The following HSPBP1 variants were observed in gnomAD, a reference collection of about 807,000 sequenced individuals.
HSPBP1 encodes the protein hsp70-binding protein 1.
HSPBP1 carries 31 observed loss-of-function variants against 41.7 expected under a neutral mutation model. That is an observed-to-expected ratio of 0.74 (90% CI 0.56 to 1.00). The LOEUF (loss-of-function observed/expected upper bound fraction) is 1.00. HSPBP1 is among the 50% of genes least tolerant of loss of function. The probability of loss-of-function intolerance (pLI) is 0.00; values close to 1 mark genes in which losing one functional copy is unlikely to be tolerated. For synonymous variants in HSPBP1, 199 were observed against 214.4 expected (o/e 0.93, Z 0.63); for missense variants, 439 against 487.9 (o/e 0.90, Z 0.94).
chr19:55,274,475 G>T lies in HSPBP1; in HGVS notation c.563C>A (p.Ala188Asp), dbSNP rs1399159489. 1 of 1,589,814 alleles carries T rather than the reference G, an allele frequency of 6.3e-7. No individual in the cohort carries two copies. Among genetic ancestry groups the T allele is most frequent in the South Asian group, 1.1e-5 (1 of 88,172 alleles). ...CAGCAGCCGCAGCAGCTTACGCAGG[G>T]CACCCAGGCCCAGCACCTGCTCCTG... is the stretch of plus-strand genomic sequence containing the variant. ...AIQEQVLGLG[A>D]LRKLLRLLDR... The change falls in exon 4 of 8, where the codon GCC (alanine) becomes GAC (aspartate). Residue 188 changes from alanine (A) to aspartate (D), a missense_variant. Ala to Asp is a moderately radical substitution (Grantham distance 126). Coordinates refer to ENST00000433386, the MANE Select transcript of HSPBP1 (RefSeq NM_012267.5).
At chr19:55,263,400 T>A (rs1440504511) in intron 7 of HSPBP1, among the ~76,000 whole-genome samples, 1 of 152,222 alleles carries the variant, frequency 6.6e-6, no homozygotes, top group Non-Finnish European at 1.5e-5. Context: ...TGAACTTCTA[T>A]GGAGAGCAGC....
Position 55,262,259 on chromosome 19 carries a change from G to A in HSPBP1, c.*349C>T, listed in dbSNP as rs968759865. The A allele has an allele frequency of 1.8e-6, 1 of 555,054 alleles. No individual in the cohort carries two copies. Among genetic ancestry groups the A allele is most frequent in the Admixed American group, 5.5e-5 (1 of 18,230 alleles). 34.4% of individuals were successfully genotyped at this position (555,054 alleles called of 1,614,324 possible). A position where few individuals can be genotyped will look rare whatever the true frequency, so the allele number is the denominator to read the frequency against. On this transcript the variant is annotated 3_prime_UTR_variant, in exon 8 of 8. Transcript: ENST00000433386. ...GAGCAACACTTTTATTATTCTTCCAGTGGCTCCCCAAGTCCCTTAAACCCG... is the reference window on the plus strand; with the variant it reads ...GAGCAACACTTTTATTATTCTTCCAATGGCTCCCCAAGTCCCTTAAACCCG...
chr19:55,274,775 G>A (rs890664502), intron 3 of HSPBP1, among the ~76,000 whole-genome samples, 153 bp from the exon 4 acceptor site: 1 of 152,142 alleles, frequency 6.6e-6, no homozygotes, highest in Non-Finnish European at 1.5e-5. Context: ...GTAAAATGAG[G>A]TCCTTAGGGT....
At chr19:55,277,165 G>GCCCCTCACT (rs2088095468) in intron 3 of HSPBP1, among the ~76,000 whole-genome samples, 1 of 152,100 alleles carries the variant, frequency 6.6e-6, no homozygotes. Context: ...CCTGCGCCTG[G>GCCCCTCACT]CCCCTCACTC....
Position 55,272,213 on chromosome 19 carries a change from G to A in HSPBP1, c.640+2185C>T, listed in dbSNP as rs751764608. ...CACCTGCGCAGCTATGTCCACAGGAGCACGAGAGCCCAGAGATACAAGGAA... is the reference window on the plus strand; with the variant it reads ...CACCTGCGCAGCTATGTCCACAGGAACACGAGAGCCCAGAGATACAAGGAA... On this transcript the variant is annotated intron_variant, in intron 4 of 7. Coordinates refer to ENST00000433386, the MANE Select transcript of HSPBP1 (RefSeq NM_012267.5). This position sits in a 1 kb window ranked among gnomAD's most constrained non-coding sequence, Gnocchi z 4.2. Among the ~76,000 whole-genome samples, 49 of 152,154 alleles carry A rather than the reference G, an allele frequency of 3.2e-4. No individual in the cohort carries two copies. The highest frequency in any genetic ancestry group is 6.3e-4 in the Non-Finnish European group (43 of 68,034).
rs1158772745 is a variant in HSPBP1, at chr19:55,274,479, C to T, written c.559G>A (p.Gly187Ser). ...AGCCGCAGCAGCTTACGCAGGGCAC[C>T]CAGGCCCAGCACCTGCTCCTGGATG... ...AAIQEQVLGLGALRKLLRLLD... is the reference protein window; with the variant it reads ...AAIQEQVLGLSALRKLLRLLD... Residue 187 changes from glycine (G) to serine (S), a missense_variant, in exon 4 of 8, where the codon GGT becomes AGT. Physicochemically the swap from Gly to Ser is moderately conservative, Grantham distance 56. Coordinates refer to ENST00000433386, the MANE Select transcript of HSPBP1 (RefSeq NM_012267.5). 4.4e-6 allele frequency: 7 copies of T among 1,590,170 alleles called. 1 individual carries two copies. The Admixed American group carries it at 1.0e-4, about 24-fold the overall frequency.
chr19:55,271,885 T>C (rs1430200584), intron 4 of HSPBP1, among the ~76,000 whole-genome samples: 1 of 151,944 alleles, frequency 6.6e-6, no homozygotes, highest in Non-Finnish European at 1.5e-5. Flanking sequence ...TGAAACCCCG[T>C]CTCTCTGTAC....
intron 3 of HSPBP1, among the ~76,000 whole-genome samples, chr19:55,276,789 A>C (rs958867524): frequency 2.6e-5 from 4 of 152,168 alleles, no homozygotes; most frequent in African/African-American, 9.6e-5. Flanking sequence ...GGGGTGCTGC[A>C]TGCGCTCACA....
intron 3 of HSPBP1, 81 bp from the exon 4 acceptor site, chr19:55,274,703 G>C: frequency 8.6e-7 from 1 of 1,159,152 alleles, no homozygotes; most frequent in Non-Finnish European, 1.2e-6. Flanking sequence ...TTGATGTTCT[G>C]ACCCCCAGTA....
chr19:55,269,552 G>T (rs1056821694), intron 4 of HSPBP1, among the ~76,000 whole-genome samples: 2 of 152,160 alleles, frequency 1.3e-5, no homozygotes, highest in African/African-American at 4.8e-5. Flanking sequence ...GCGCTAAAAA[G>T]AAATGAGCTA....
At position 55,270,323 on chromosome 19, in the gene HSPBP1, C is replaced by A. The variant is rs574354558; in HGVS notation, c.641-4037G>T. Reference sequence around the variant, plus strand: ...CAGCAAAACTCTGCTAGCCCCGGGGCGAGCCATGGTGGAAGCCCATCTCTA... The same window carrying A: ...CAGCAAAACTCTGCTAGCCCCGGGGAGAGCCATGGTGGAAGCCCATCTCTA... On this transcript the variant is annotated intron_variant, in intron 4 of 7. Coordinates refer to ENST00000433386, the MANE Select transcript of HSPBP1 (RefSeq NM_012267.5). This position sits in a 1 kb window ranked among gnomAD's most constrained non-coding sequence, Gnocchi z 5.4. Among the ~76,000 whole-genome samples, 1 of 152,262 alleles carries A rather than the reference C, an allele frequency of 6.6e-6. No homozygotes were observed. Among genetic ancestry groups the A allele is most frequent in the South Asian group, 2.1e-4 (1 of 4,824 alleles).
rs1371381671 is a variant in HSPBP1, at chr19:55,265,990, G to A, written c.797-8C>T. The A allele has an allele frequency of 6.3e-7, 1 of 1,594,050 alleles. No individual in the cohort carries two copies. Among genetic ancestry groups the A allele is most frequent in the East Asian group, 2.3e-5 (1 of 44,248 alleles). Reference sequence around the variant, plus strand: ...CCATGGAGCACAGGGTCCCTGGGGGGAGGGCTGCAGGGGTCAGAGGGGCAG... The same window carrying A: ...CCATGGAGCACAGGGTCCCTGGGGGAAGGGCTGCAGGGGTCAGAGGGGCAG... On this transcript the variant is annotated splice_region_variant and splice_polypyrimidine_tract_variant and intron_variant, in intron 5 of 7. Transcript: ENST00000433386.
rs922263469 is a variant in HSPBP1, at chr19:55,272,913, G to C, written c.640+1485C>G. ...TGACTGCCGATAGCCATACCACCCCGAACGCGTCTGATCACATCTAAAATT... is the reference window on the plus strand; with the variant it reads ...TGACTGCCGATAGCCATACCACCCCCAACGCGTCTGATCACATCTAAAATT... On this transcript the variant is annotated intron_variant, in intron 4 of 7. Transcript: ENST00000433386. This position sits in a 1 kb window ranked among gnomAD's most constrained non-coding sequence, Gnocchi z 4.2. Among the ~76,000 whole-genome samples the C allele has an allele frequency of 6.6e-6, 1 of 151,930 alleles. No individual in the cohort carries two copies. The highest frequency in any genetic ancestry group is 1.5e-5 in the Non-Finnish European group (1 of 68,028).
intron 3 of HSPBP1, among the ~76,000 whole-genome samples, chr19:55,275,317 T>C (rs1460147025): frequency 5.9e-5 from 9 of 152,052 alleles, no homozygotes; most frequent in Non-Finnish European, 1.2e-4. Flanking sequence ...GAAATACAGA[T>C]TCCCCGTGAC....
At position 55,262,525 on chromosome 19, in the gene HSPBP1, C is replaced by A. The variant is rs1388025887; in HGVS notation, c.*83G>T. The A allele has an allele frequency of 6.3e-7, 1 of 1,575,988 alleles. No homozygotes were observed. Among genetic ancestry groups the A allele is most frequent in the African/African-American group, 1.4e-5 (1 of 74,064 alleles). On this transcript the variant is annotated 3_prime_UTR_variant, in exon 8 of 8. Coordinates refer to ENST00000433386, the MANE Select transcript of HSPBP1 (RefSeq NM_012267.5). ...GTCCAGGCACCTAGGCCCTGCGATC[C>A]CTTGGGAGAGGGCCTTGTAGGTGGG... is the stretch of plus-strand genomic sequence containing the variant.
intron 5 of HSPBP1, 31 bp downstream of exon 5, chr19:55,266,100 C>T: frequency 6.3e-7 from 1 of 1,592,762 alleles, no homozygotes; most frequent in Non-Finnish European, 8.6e-7. Context: ...GTCTGCTCCC[C>T]ACTCCTGCCC....
chr19:55,269,619 C>A (rs1388524774), intron 4 of HSPBP1, among the ~76,000 whole-genome samples: 1 of 152,130 alleles, frequency 6.6e-6, no homozygotes, highest in Non-Finnish European at 1.5e-5. Context: ...GCCAAAGAAG[C>A]CAGTCGGAAA....
chr19:55,267,276 A>C (rs1042055482), intron 4 of HSPBP1, among the ~76,000 whole-genome samples: 2 of 151,994 alleles, frequency 1.3e-5, no homozygotes, highest in African/African-American at 4.8e-5. Flanking sequence ...TCAGCCCCCC[A>C]AGTAGCTGGG....
At chr19:55,262,937 T>C (rs1397394723) in intron 7 of HSPBP1, among the ~76,000 whole-genome samples, 1 of 152,194 alleles carries the variant, frequency 6.6e-6, no homozygotes, top group African/African-American at 2.4e-5. Context: ...ATATCAGCAC[T>C]CTTGGGCTCT....
Sources: gnomAD v4.1 joint callset for allele counts (sites outside exome capture counted in the v4.1 genomes callset) on GRCh38, gnomAD v4.1.1 for gene constraint, Gnocchi (gnomAD v3.1) non-coding constraint, MANE v1.5 for transcripts, NCBI Gene and HGNC (gene_info 2026-07-23, HGNC 2026-07-21) for gene names.